The following SAMMSON variants were observed in gnomAD, a reference collection of about 807,000 sequenced individuals.
SAMMSON encodes the protein long intergenic non-protein coding RNA 1212.
intron 4 of SAMMSON, among the ~76,000 whole-genome samples, chr3:70,129,104 A>C (rs2067470231): frequency 6.6e-6 from 1 of 152,202 alleles, no homozygotes; most frequent in Non-Finnish European, 1.5e-5. Flanking sequence ...TTTATTGGAT[A>C]CTGGGATTAT....
At chr3:70,369,411 T>C (rs1393007444) in intron 9 of SAMMSON, among the ~76,000 whole-genome samples, 1 of 151,756 alleles carries the variant, frequency 6.6e-6, no homozygotes, top group African/African-American at 2.4e-5. Flanking sequence ...TCTCTCAAAA[T>C]GCTTGTTGTT....
intron 4 of SAMMSON, among the ~76,000 whole-genome samples, chr3:70,189,018 A>C (rs774536993): frequency 7.2e-5 from 11 of 152,234 alleles, no homozygotes; most frequent in Non-Finnish European, 1.6e-4. Flanking sequence ...GCTTGAGACC[A>C]TGAATCTTTA....
At chr3:70,419,718 A>T (rs1701296352) in intron 2 of SAMMSON, among the ~76,000 whole-genome samples, 1 of 152,138 alleles carries the variant, frequency 6.6e-6, no homozygotes, top group South Asian at 2.1e-4. Flanking sequence ...GGCTCACTGC[A>T]AGCTCCGCCT....
chr3:70,387,184 A>G (rs962606190), intron 9 of SAMMSON, among the ~76,000 whole-genome samples: 7 of 152,092 alleles, frequency 4.6e-5, no homozygotes, highest in Non-Finnish European at 1.0e-4. Flanking sequence ...AACTCTTTTT[A>G]AAAAGGATTT....
chr3:70,189,065 C>A (rs1701111952), intron 4 of SAMMSON, among the ~76,000 whole-genome samples: 1 of 152,212 alleles, frequency 6.6e-6, no homozygotes, highest in East Asian at 1.9e-4. Context: ...AAGTAATATA[C>A]CGCCCCCAGC....
At chr3:70,136,271 G>A (rs1450216312) in intron 4 of SAMMSON, among the ~76,000 whole-genome samples, 1 of 152,174 alleles carries the variant, frequency 6.6e-6, no homozygotes, top group African/African-American at 2.4e-5. Flanking sequence ...TATTGTGGTT[G>A]TGTGACTCCC....
intron 4 of SAMMSON, among the ~76,000 whole-genome samples, chr3:70,199,526 C>A (rs920918682): frequency 7.9e-5 from 12 of 152,048 alleles, no homozygotes; most frequent in Non-Finnish European, 1.6e-4. Flanking sequence ...GAGTCTCTTG[C>A]CCAAAAACAA....
At chr3:70,257,765 C>T (rs1701830080) in intron 6 of SAMMSON, among the ~76,000 whole-genome samples, 1 of 152,008 alleles carries the variant, frequency 6.6e-6, no homozygotes, top group South Asian at 2.1e-4. Flanking sequence ...CAGTGCAATC[C>T]CAATAAAAAT....
At chr3:70,367,805 G>A (rs891983883) in intron 9 of SAMMSON, among the ~76,000 whole-genome samples, 2 of 151,572 alleles carry the variant, frequency 1.3e-5, no homozygotes, top group African/African-American at 2.4e-5. Context: ...ATTTCATAGT[G>A]TTTTTCATAA....
chr3:70,324,332 G>C (rs1559564015), intron 7 of SAMMSON, among the ~76,000 whole-genome samples: 1 of 152,036 alleles, frequency 6.6e-6, no homozygotes, highest in Non-Finnish European at 1.5e-5. Context: ...TGCACTGCCT[G>C]GGAATCAGAT....
intron 3 of SAMMSON, chr3:70,014,162 A>G (rs1253638990): frequency 6.6e-6 from 1 of 152,090 alleles, no homozygotes; most frequent in African/African-American, 2.4e-5. Context: ...ACTATCTACT[A>G]TTTCCAAAGC....
intron 1 of SAMMSON, among the ~76,000 whole-genome samples, chr3:70,010,324 T>A (rs2066948494): frequency 6.6e-6 from 1 of 152,170 alleles, no homozygotes; most frequent in African/African-American, 2.4e-5. Context: ...TGGGTGCTCC[T>A]GTATTGGGTG....
chr3:70,302,501 TCACA>T (rs1377535286), intron 7 of SAMMSON: 1 of 152,178 alleles, frequency 6.6e-6, no homozygotes, highest in African/African-American at 2.4e-5. Flanking sequence ...ATTAAGTGTA[TCACA>T]TCAACAGCTG....
At chr3:70,330,278 T>C (rs920117069) in intron 7 of SAMMSON, among the ~76,000 whole-genome samples, 5 of 152,070 alleles carry the variant, frequency 3.3e-5, no homozygotes, top group Non-Finnish European at 5.9e-5. Flanking sequence ...CATGAACTTA[T>C]AGTTGATCTA....
At chr3:70,007,629 G>A (rs1247900935) in intron 1 of SAMMSON, among the ~76,000 whole-genome samples, 1 of 151,064 alleles carries the variant, frequency 6.6e-6, no homozygotes, top group African/African-American at 2.4e-5. Context: ...TTTTTTTGCT[G>A]TGCAGAAGCT....
chr3:70,304,825 G>C (rs1466919710), intron 7 of SAMMSON, among the ~76,000 whole-genome samples: 1 of 152,108 alleles, frequency 6.6e-6, no homozygotes, highest in Non-Finnish European at 1.5e-5. Flanking sequence ...AAAATATCCA[G>C]ATTCCCAACT....
rs1365187600 is a variant in SAMMSON, at chr3:70,054,056, CACTT to C, written n.418-17417_418-17414del. Among the ~76,000 whole-genome samples the C allele has an allele frequency of 5.9e-5, 9 of 152,244 alleles. No homozygotes were observed. In the South Asian group the frequency reaches 6.2e-4, roughly 11 times the overall value. On this transcript the variant is annotated intron_variant and non_coding_transcript_variant, in intron 3 of 9. Coordinates refer to ENST00000642114, the Ensembl canonical transcript of SAMMSON. ...TTTTGAATAACAACTGGTTGGCAAA[CACTT>C]ACCATTTAATTTTCTTACGTTGAGT...
In SAMMSON at chr3:70,101,564, G is replaced by T. The variant is rs77009645; in HGVS notation, n.507+29999G>T. ...AATAAATATGTCTTTTAATTTTTTAGTGTTTTTGAGAAAAAAGTACCTTCC... is the reference window on the plus strand; with the variant it reads ...AATAAATATGTCTTTTAATTTTTTATTGTTTTTGAGAAAAAAGTACCTTCC... On this transcript the variant is annotated intron_variant and non_coding_transcript_variant, in intron 4 of 9. Transcript: ENST00000642114. Among the ~76,000 whole-genome samples, 434 of 152,210 alleles carry T rather than the reference G, an allele frequency of 2.9e-3. 7 individuals carry two copies. The East Asian group carries it at 0.038, about 13-fold the overall frequency.
At chr3:70,281,227 A>T (rs1349821622) in intron 6 of SAMMSON, among the ~76,000 whole-genome samples, 1 of 152,138 alleles carries the variant, frequency 6.6e-6, no homozygotes, top group Non-Finnish European at 1.5e-5. Flanking sequence ...ACATCTGATC[A>T]TGTTCCTCTT....
Sources: allele counts gnomAD v4.1 joint callset (sites outside exome capture counted in the v4.1 genomes callset), GRCh38; gene constraint gnomAD v4.1.1; transcripts MANE v1.5; gene names NCBI Gene and HGNC (gene_info 2026-07-23, HGNC 2026-07-21).